The following HERC1 variants were observed in gnomAD, a reference collection of about 807,000 sequenced individuals.
HERC1 encodes probable E3 ubiquitin-protein ligase HERC1.
HERC1 carries 160 observed loss-of-function variants against 554.3 expected under a neutral mutation model. The observed-to-expected ratio is 0.29, with a 90% CI of 0.25 to 0.33. HERC1 has a LOEUF of 0.33. Ranked by LOEUF, HERC1 falls within the 10% of genes least tolerant of loss-of-function variation. The pLI is 1.00. For missense variants in HERC1, 4,919 were observed against 5,918.5 expected (o/e 0.83, Z 5.54); for synonymous variants, 2,175 against 2,131.7 (o/e 1.02, Z -0.56).
At chr15:63,751,409 A>G (rs2075241027) in intron 8 of HERC1, among the ~76,000 whole-genome samples, 3 of 152,214 alleles carry the variant, frequency 2.0e-5, no homozygotes, top group African/African-American at 7.2e-5. Flanking sequence ...TGTTCTCACA[A>G]TAACAAAATG....
intron 1 of HERC1, among the ~76,000 whole-genome samples, chr15:63,824,499 A>T (rs149958011): frequency 0.011 from 1,560 of 148,318 alleles, 21 homozygotes; most frequent in African/African-American, 0.038. Flanking sequence ...ATGCCACTGT[A>T]CTCCAGCCTG....
chr15:63,747,180 C>A (rs1158115431), intron 11 of HERC1, 97 bp from the exon 12 acceptor site: 1 of 1,156,676 alleles, frequency 8.6e-7, no homozygotes, highest in Admixed American at 2.3e-5. Context: ...ATTTTGTTGG[C>A]TAGGTGCGGT....
Position 63,682,638 on chromosome 15 carries a change from A to G in HERC1, c.6226-1862T>C, listed in dbSNP as rs556636115. Among the ~76,000 whole-genome samples, 10 of 152,260 alleles carry G rather than the reference A, an allele frequency of 6.6e-5. 1 individual carries two copies. Among genetic ancestry groups the G allele is most frequent in the Admixed American group, 3.3e-4 (5 of 15,288 alleles). On this transcript the variant is annotated intron_variant, in intron 34 of 77. Transcript: ENST00000443617. Reference sequence around the variant, plus strand: ...TATACAAAAACAAACAAACAAGAATAGAAAGGAACTACTCCAGCTATTTTC... The same window carrying G: ...TATACAAAAACAAACAAACAAGAATGGAAAGGAACTACTCCAGCTATTTTC...
chr15:63,673,494 T>C (rs748468811), intron 38 of HERC1, among the ~76,000 whole-genome samples: 4 of 152,194 alleles, frequency 2.6e-5, no homozygotes, highest in Non-Finnish European at 5.9e-5. Context: ...GACTTTGTTT[T>C]GTTAACTGCT....
At chr15:63,623,933 A>G in intron 72 of HERC1, 43 bp from the exon 73 acceptor site, 1 of 1,591,516 alleles carries the variant, frequency 6.3e-7, no homozygotes, top group Non-Finnish European at 8.6e-7. Context: ...AACTCTTACC[A>G]ATTTCCCCAA....
chr15:63,640,121 T>C, intron 61 of HERC1, 31 bp downstream of exon 61: 1 of 1,601,972 alleles, frequency 6.2e-7, no homozygotes. Context: ...AAATCTCAGC[T>C]GCAAATAATA....
chr15:63,646,200 G>A (rs1341782915), intron 55 of HERC1, among the ~76,000 whole-genome samples: 3 of 151,850 alleles, frequency 2.0e-5, no homozygotes, highest in Non-Finnish European at 2.9e-5. Flanking sequence ...ATGCATTTAC[G>A]CTACTTGCCT....
At position 63,698,955 on chromosome 15, in the gene HERC1, C is replaced by T; in HGVS notation, c.4678G>A (p.Ala1560Thr). The stretch of plus-strand genomic sequence containing the variant: ...CAGTCTCTGCTATGTTTCAGGCGAG[C>T]CCAAGAGTCACTCAGGGATTCCAAT... ...SQLESLSDSW[A>T]RLKHSRDWLC... The change falls in exon 26 of 78, where the codon GCT (alanine) becomes ACT (threonine). Residue 1560 changes from alanine to threonine, a missense_variant. Around this residue, in one of 11 missense-constraint regions of HERC1, gnomAD observed 1,121 missense variants for 1,244.0 expected, o/e 0.90. Transcript: ENST00000443617. 1.2e-6 allele frequency: 2 copies of T among 1,613,592 alleles called. No homozygotes were observed. The highest frequency in any genetic ancestry group is 1.7e-6 in the Non-Finnish European group (2 of 1,179,576).
chr15:63,612,701 T>G lies in HERC1; in HGVS notation c.14095-145A>C. 1.3e-6 allele frequency: 1 copy of G among 751,024 alleles called. No homozygotes were observed. Among genetic ancestry groups the G allele is most frequent in the Non-Finnish European group, 2.1e-6 (1 of 477,252 alleles). The allele number at this position is 751,024 out of a possible 1,614,324, so 46.5% of individuals were successfully genotyped here. ...TTTCTCAGACCGCCAGGCACGAGAG[T>G]CAGTCAAAAAGGCCCACCCTCCCTG... is the stretch of plus-strand genomic sequence containing the variant. On this transcript the variant is annotated intron_variant, in intron 76 of 77. Transcript: ENST00000443617. This position sits in a 1 kb window ranked among gnomAD's most constrained non-coding sequence, Gnocchi z 5.0.
At position 63,672,482 on chromosome 15, in the gene HERC1, G is replaced by A. The variant is rs2070984780; in HGVS notation, c.8045+14C>T. 2 of 1,565,728 alleles carry A rather than the reference G, an allele frequency of 1.3e-6. No individual in the cohort carries two copies. Among genetic ancestry groups the A allele is most frequent in the Admixed American group, 3.8e-5 (2 of 53,214 alleles). ...GGCATCAGTATGGCAGACATTAAAGGTCAACTTCTCTACCTGAGAAGACTA... is the reference window on the plus strand; with the variant it reads ...GGCATCAGTATGGCAGACATTAAAGATCAACTTCTCTACCTGAGAAGACTA... On this transcript the variant is annotated intron_variant, in intron 39 of 77. Transcript: ENST00000443617.
chr15:63,640,042 G>T, intron 61 of HERC1, 110 bp downstream of exon 61: 2 of 1,031,490 alleles, frequency 1.9e-6, no homozygotes, highest in Non-Finnish European at 2.8e-6. Flanking sequence ...TCTCTTAAGG[G>T]TATCCTTCTA....
intron 59 of HERC1, 149 bp downstream of exon 59, chr15:63,642,808 T>C (rs1180030158): frequency 1.7e-6 from 1 of 601,334 alleles, no homozygotes; most frequent in Non-Finnish European, 3.0e-6. Context: ...CTAATTCTCC[T>C]TCTGCTACTA....
intron 76 of HERC1, among the ~76,000 whole-genome samples, chr15:63,613,173 ACT>A (rs1179224874): frequency 7.2e-5 from 11 of 151,860 alleles, no homozygotes; most frequent in Non-Finnish European, 1.0e-4. Context: ...CCAATTATTA[ACT>A]CTCTTAATTT....
chr15:63,624,720 G>T (rs1256186447), intron 71 of HERC1, among the ~76,000 whole-genome samples: 1 of 152,090 alleles, frequency 6.6e-6, no homozygotes, highest in Admixed American at 6.5e-5. Flanking sequence ...ATTGAAAAAA[G>T]AACATACATT....
intron 39 of HERC1, among the ~76,000 whole-genome samples, chr15:63,670,137 T>C (rs2070830747): frequency 1.3e-5 from 2 of 152,176 alleles, no homozygotes; most frequent in Non-Finnish European, 2.9e-5. Context: ...TTCACATGGA[T>C]TGAAAGTAAT....
At chr15:63,786,072 A>G (rs1252971129) in intron 1 of HERC1, among the ~76,000 whole-genome samples, 1 of 152,074 alleles carries the variant, frequency 6.6e-6, no homozygotes, top group Non-Finnish European at 1.5e-5. Context: ...AAAAAAAGAC[A>G]AAACATAAGG....
intron 63 of HERC1, 52 bp downstream of exon 63, chr15:63,638,359 T>G (rs2068879748): frequency 6.4e-7 from 1 of 1,571,806 alleles, no homozygotes; most frequent in African/African-American, 1.4e-5. Flanking sequence ...AGCAAAAGAA[T>G]TAGAATTTTC....
intron 2 of HERC1, among the ~76,000 whole-genome samples, chr15:63,771,649 C>T (rs1030333032): frequency 4.6e-5 from 7 of 151,988 alleles, no homozygotes; most frequent in African/African-American, 7.3e-5. Context: ...CCAGGCTTGT[C>T]TCAAAACTCC....
chr15:63,665,868 G>A, intron 42 of HERC1, 51 bp downstream of exon 42: 1 of 1,330,732 alleles, frequency 7.5e-7, no homozygotes, highest in Admixed American at 1.9e-5. Context: ...AATAAATGGG[G>A]CTTTGAAATT....
Sources: gnomAD v4.1 joint callset for allele counts (sites outside exome capture counted in the v4.1 genomes callset) on GRCh38, gnomAD v4.1.1 for gene constraint, gnomAD v4.1.1 regional missense constraint, Gnocchi (gnomAD v3.1) non-coding constraint, MANE v1.5 for transcripts, NCBI Gene and HGNC (gene_info 2026-07-23, HGNC 2026-07-21) for gene names.